The following PDE10A variants were observed in gnomAD, a reference collection of about 807,000 sequenced individuals.
PDE10A encodes phosphodiesterase 10A.
A neutral mutation model predicts 97.7 loss-of-function variants in PDE10A; 39 were observed. The ratio of observed to expected loss-of-function variants is 0.40; its 90% CI spans 0.31 to 0.52. PDE10A has a LOEUF of 0.52. Among genes scored for constraint, PDE10A ranks in the 20% least tolerant of loss-of-function variants. The probability of loss-of-function intolerance (pLI) is 0.56; values close to 1 mark genes in which losing one functional copy is unlikely to be tolerated. For synonymous variants in PDE10A, 371 were observed against 376.8 expected (o/e 0.98, Z 0.18); for missense variants, 731 against 1,047.8 (o/e 0.70, Z 4.17).
intron 1 of PDE10A, among the ~76,000 whole-genome samples, chr6:165,691,260 C>A (rs1461181091): frequency 7.3e-6 from 1 of 137,010 alleles, no homozygotes; most frequent in Non-Finnish European, 1.5e-5. Flanking sequence ...CATCACATAA[C>A]CACATTTGAG....
intron 18 of PDE10A, among the ~76,000 whole-genome samples, chr6:165,378,928 T>C (rs1363286262): frequency 6.6e-6 from 1 of 152,216 alleles, no homozygotes; most frequent in African/African-American, 2.4e-5. Flanking sequence ...CATTCCAGCC[T>C]TTCCTTTGAA....
At chr6:165,491,882 G>A (rs1012972780) in intron 2 of PDE10A, among the ~76,000 whole-genome samples, 6 of 148,642 alleles carry the variant, frequency 4.0e-5, no homozygotes, top group East Asian at 3.9e-4. Context: ...AAATGAAATC[G>A]AAACAAAAAA....
At chr6:165,914,398 G>T (rs9347099) in intron 1 of PDE10A, among the ~76,000 whole-genome samples, 22,698 of 152,230 alleles carry the variant, frequency 0.15, 1,977 homozygotes, top group East Asian at 0.27. Flanking sequence ...CATAATTCCA[G>T]GGGTTCGCCT....
At chr6:165,505,181 A>G (rs1026996546) in intron 2 of PDE10A, among the ~76,000 whole-genome samples, 2 of 152,174 alleles carry the variant, frequency 1.3e-5, no homozygotes, top group African/African-American at 4.8e-5. Context: ...TCTATTACCT[A>G]TAACCAAACC....
At chr6:165,646,865 T>G (rs1345770710) in intron 1 of PDE10A, among the ~76,000 whole-genome samples, 1 of 152,232 alleles carries the variant, frequency 6.6e-6, no homozygotes, top group Non-Finnish European at 1.5e-5. Flanking sequence ...TCCGACAGTA[T>G]TAAACAATTC....
At chr6:165,966,553 C>G (rs189891770) in intron 1 of PDE10A, among the ~76,000 whole-genome samples, 2 of 152,216 alleles carry the variant, frequency 1.3e-5, no homozygotes, top group African/African-American at 4.8e-5. Flanking sequence ...AGCCCACTTG[C>G]TTTTTTGTCA....
At chr6:165,555,631 T>C (rs1280518724) in intron 1 of PDE10A, among the ~76,000 whole-genome samples, 5 of 152,252 alleles carry the variant, frequency 3.3e-5, no homozygotes, top group Non-Finnish European at 7.3e-5. Context: ...GAATATTTCA[T>C]CTAGGTGTGT....
chr6:165,387,263 G>A (rs542931844), intron 17 of PDE10A, among the ~76,000 whole-genome samples: 1 of 152,246 alleles, frequency 6.6e-6, no homozygotes, highest in Non-Finnish European at 1.5e-5. Context: ...ATAATTCGAA[G>A]AGCACCCACA....
At chr6:165,927,024 CA>C (rs1782955495) in intron 1 of PDE10A, among the ~76,000 whole-genome samples, 1 of 118,268 alleles carries the variant, frequency 8.5e-6, no homozygotes, top group South Asian at 2.8e-4. Context: ...GGGAGTTGAA[CA>C]ATGAATACAC....
chr6:165,851,189 A>G (rs575375617), intron 1 of PDE10A, among the ~76,000 whole-genome samples: 1 of 152,386 alleles, frequency 6.6e-6, no homozygotes, highest in African/African-American at 2.4e-5. Flanking sequence ...ATGCCACATC[A>G]GTGATCAAAT....
chr6:165,517,655 CACG>C (rs1286470927), intron 2 of PDE10A, among the ~76,000 whole-genome samples: 1 of 152,164 alleles, frequency 6.6e-6, no homozygotes, highest in African/African-American at 2.4e-5. Flanking sequence ...ATGTCATTCA[CACG>C]ACATTTGGGA....
At chr6:165,802,281 G>A (rs912155263) in intron 1 of PDE10A, among the ~76,000 whole-genome samples, 1 of 152,176 alleles carries the variant, frequency 6.6e-6, no homozygotes, top group African/African-American at 2.4e-5. Flanking sequence ...CTCAGCAGCT[G>A]GGAATGGCCC....
chr6:165,662,985 C>T lies in PDE10A; in HGVS notation c.-174G>A, dbSNP rs1293084114. On this transcript the variant is annotated 5_prime_UTR_variant, in exon 1 of 22. Transcript: ENST00000539869. ...CTCCCAGTCTAGTCTTCACATTGTG[C>T]TCGGCTTGGGTTGCGGGAGGACCCG... Among the ~76,000 whole-genome samples the T allele has an allele frequency of 6.6e-6, 1 of 151,410 alleles. No homozygotes were observed. The highest frequency in any genetic ancestry group is 2.4e-5 in the African/African-American group (1 of 41,308).
chr6:165,959,492 A>G (rs970939942), intron 1 of PDE10A, among the ~76,000 whole-genome samples: 23 of 152,244 alleles, frequency 1.5e-4, no homozygotes, highest in Non-Finnish European at 3.2e-4. Flanking sequence ...TATCAATTAT[A>G]TATGGATTGG....
chr6:165,755,655 A>G (rs1478034362), intron 1 of PDE10A, among the ~76,000 whole-genome samples: 1 of 152,212 alleles, frequency 6.6e-6, no homozygotes, highest in African/African-American at 2.4e-5. Flanking sequence ...CTGCAAAGGG[A>G]AAGAATTACA....
At chr6:165,733,495 A>T (rs912727288) in intron 1 of PDE10A, among the ~76,000 whole-genome samples, 1 of 152,202 alleles carries the variant, frequency 6.6e-6, no homozygotes, top group East Asian at 1.9e-4. Flanking sequence ...ACAGTATGCA[A>T]AGGTGTTGTA....
chr6:165,822,561 T>A (rs6456018), intron 1 of PDE10A, among the ~76,000 whole-genome samples: 15,270 of 151,710 alleles, frequency 0.1, 832 homozygotes, highest in African/African-American at 0.14. Flanking sequence ...TGTAACACAA[T>A]GGTATTTGTG....
At chr6:165,617,859 A>G (rs561192620) in intron 1 of PDE10A, among the ~76,000 whole-genome samples, 18 of 152,300 alleles carry the variant, frequency 1.2e-4, no homozygotes, top group African/African-American at 4.1e-4. Flanking sequence ...TGGTAAAGTC[A>G]AGTGTCAACA....
At chr6:165,933,856 C>A (rs964295104) in intron 1 of PDE10A, among the ~76,000 whole-genome samples, 1 of 152,186 alleles carries the variant, frequency 6.6e-6, no homozygotes, top group Non-Finnish European at 1.5e-5. Flanking sequence ...AGGTCAGAAC[C>A]AAAACGGCTG....
Sources: allele counts gnomAD v4.1 joint callset (sites outside exome capture counted in the v4.1 genomes callset), GRCh38; gene constraint gnomAD v4.1.1; transcripts MANE v1.5; gene names NCBI Gene and HGNC (gene_info 2026-07-23, HGNC 2026-07-21).